LPAR1: variants seen among roughly 807,000 people sequenced by gnomAD.
The protein encoded by LPAR1 is lysophosphatidic acid receptor 1, also known as LPA receptor 1.
LPAR1 carries 5 observed loss-of-function variants against 23.8 expected under a neutral mutation model. The ratio of observed to expected loss-of-function variants is 0.21; its 90% CI spans 0.11 to 0.44. The LOEUF is 0.44. Among genes scored for constraint, LPAR1 ranks in the 20% least tolerant of loss-of-function variants. The pLI, the probability that LPAR1 is intolerant of heterozygous loss-of-function variation, is 0.99. For synonymous variants in LPAR1, 160 were observed against 164.7 expected (o/e 0.97, Z 0.22); for missense variants, 311 against 482.8 (o/e 0.64, Z 3.33).
intron 5 of LPAR1, among the ~76,000 whole-genome samples, chr9:110,930,510 CA>C (rs1442846971): frequency 6.6e-6 from 1 of 151,822 alleles, no homozygotes. Flanking sequence ...AACTCCATCT[CA>C]AAAAATAAAA....
chr9:110,916,486 A>G (rs1195586725), intron 5 of LPAR1, among the ~76,000 whole-genome samples: 2 of 152,358 alleles, frequency 1.3e-5, no homozygotes, highest in East Asian at 1.9e-4. Context: ...ACATTGACAT[A>G]GGATACGATT....
At chr9:111,030,978 C>T (rs2097784232) in intron 2 of LPAR1, among the ~76,000 whole-genome samples, 1 of 152,060 alleles carries the variant, frequency 6.6e-6, no homozygotes, top group South Asian at 2.1e-4. Context: ...CATAAATATA[C>T]ATAAATATTA....
chr9:111,035,900 T>C (rs1272586665), intron 2 of LPAR1, among the ~76,000 whole-genome samples: 2 of 152,214 alleles, frequency 1.3e-5, no homozygotes, highest in Admixed American at 1.3e-4. Flanking sequence ...TGGCCCTAAA[T>C]ATCACTTACT....
At chr9:110,990,156 G>A (rs1482214722) in intron 2 of LPAR1, among the ~76,000 whole-genome samples, 3 of 152,052 alleles carry the variant, frequency 2.0e-5, no homozygotes, top group Non-Finnish European at 4.4e-5. Flanking sequence ...CACAAATATA[G>A]CCAGAGATAA....
chr9:111,023,651 T>G (rs1443617473), intron 2 of LPAR1, among the ~76,000 whole-genome samples: 2 of 152,182 alleles, frequency 1.3e-5, no homozygotes, highest in African/African-American at 4.8e-5. Flanking sequence ...CAAATGGATG[T>G]TGAAAAATGA....
intron 5 of LPAR1, among the ~76,000 whole-genome samples, chr9:110,932,638 G>C (rs982024155): frequency 6.6e-6 from 1 of 152,252 alleles, no homozygotes; most frequent in Non-Finnish European, 1.5e-5. Flanking sequence ...GTGAGCAGCA[G>C]ATGCGCAAGC....
intron 4 of LPAR1, among the ~76,000 whole-genome samples, chr9:110,965,550 T>G (rs1334166607): frequency 1.3e-5 from 2 of 152,124 alleles, no homozygotes; most frequent in African/African-American, 4.8e-5. Context: ...ATTAGAGAAA[T>G]GCAAATCAAA....
intron 2 of LPAR1, among the ~76,000 whole-genome samples, 157 bp downstream of exon 2, chr9:111,035,965 T>C (rs2097885417): frequency 6.6e-6 from 1 of 152,238 alleles, no homozygotes; most frequent in Non-Finnish European, 1.5e-5. Flanking sequence ...ATTTTTATTC[T>C]TTGAACGTTC....
chr9:111,026,520 T>C (rs2097694858), intron 2 of LPAR1, among the ~76,000 whole-genome samples: 1 of 152,162 alleles, frequency 6.6e-6, no homozygotes, highest in Non-Finnish European at 1.5e-5. Context: ...TCCTTTATTT[T>C]TATCTCTTGC....
chr9:111,009,848 G>T (rs1470899549), intron 2 of LPAR1, among the ~76,000 whole-genome samples: 1 of 151,264 alleles, frequency 6.6e-6, no homozygotes, highest in African/African-American at 2.4e-5. Flanking sequence ...ATATGGAGGG[G>T]AAAAGACTTG....
chr9:110,904,242 G>A (rs2090432108), intron 5 of LPAR1, among the ~76,000 whole-genome samples: 1 of 152,076 alleles, frequency 6.6e-6, no homozygotes, highest in Non-Finnish European at 1.5e-5. Context: ...CTGAAATATG[G>A]CTACATACGA....
intron 5 of LPAR1, 67 bp from the exon 6 acceptor site, chr9:110,875,789 G>A: frequency 1.2e-6 from 1 of 864,536 alleles, no homozygotes; most frequent in Non-Finnish European, 1.7e-6. Context: ...TATAAAACAT[G>A]CGACCATAAA....
chr9:110,944,674 T>C (rs1198114043), intron 4 of LPAR1, among the ~76,000 whole-genome samples: 1 of 151,980 alleles, frequency 6.6e-6, no homozygotes, highest in Admixed American at 6.6e-5. Flanking sequence ...AATTAAGAAG[T>C]ATAAATTATC....
At position 110,942,313 on chromosome 9, in the gene LPAR1, G is replaced by A. The variant is rs1273839300; in HGVS notation, c.46-145C>T. ...AACATTTGATCCTGCATACCATCTT[G>A]TGATTATGTTGAAACTCCAAGGTTT... On this transcript the variant is annotated intron_variant, in intron 4 of 5. Coordinates refer to ENST00000683809, the MANE Select transcript of LPAR1 (RefSeq NM_001351411.2). 5.9e-6 allele frequency: 4 copies of A among 672,472 alleles called. No homozygotes were observed. The East Asian group carries it at 1.1e-4, about 19-fold the overall frequency. 41.7% of individuals were successfully genotyped at this position (672,472 alleles called of 1,614,324 possible).
intron 5 of LPAR1, among the ~76,000 whole-genome samples, chr9:110,914,542 CAAG>C (rs2092842053): frequency 6.6e-6 from 1 of 152,196 alleles, no homozygotes; most frequent in Non-Finnish European, 1.5e-5. Flanking sequence ...AGCTACAATT[CAAG>C]AAGAGATTTG....
At chr9:110,975,000 C>T (rs1321880656) in intron 2 of LPAR1, among the ~76,000 whole-genome samples, 1 of 151,862 alleles carries the variant, frequency 6.6e-6, no homozygotes, top group African/African-American at 2.4e-5. Context: ...TTCATTTTTC[C>T]TTTCTCCCTC....
intron 4 of LPAR1, among the ~76,000 whole-genome samples, chr9:110,957,672 G>A (rs2095809882): frequency 6.6e-6 from 1 of 152,082 alleles, no homozygotes; most frequent in Non-Finnish European, 1.5e-5. Context: ...TCTAAGAACT[G>A]GAACAACACA....
At chr9:111,004,094 G>T (rs2097173978) in intron 2 of LPAR1, among the ~76,000 whole-genome samples, 1 of 152,178 alleles carries the variant, frequency 6.6e-6, no homozygotes, top group Admixed American at 6.5e-5. Context: ...AGCTGCCATA[G>T]TTCTTTGTGC....
chr9:110,924,955 T>C (rs2135377762), intron 5 of LPAR1, among the ~76,000 whole-genome samples: 1 of 152,288 alleles, frequency 6.6e-6, no homozygotes, highest in South Asian at 2.1e-4. Flanking sequence ...TACCAGACTA[T>C]AGGCATTGGC....
Sources: allele counts gnomAD v4.1 joint callset (sites outside exome capture counted in the v4.1 genomes callset), GRCh38; gene constraint gnomAD v4.1.1; transcripts MANE v1.5; gene names NCBI Gene and HGNC (gene_info 2026-07-23, HGNC 2026-07-21).